The following IFNAR2 variants were observed in gnomAD, a reference collection of about 807,000 sequenced individuals.
IFNAR2 encodes the protein interferon alpha/beta receptor 2.
Under a neutral mutation model 49.4 loss-of-function variants are expected in IFNAR2, and 30 were observed. The ratio of observed to expected loss-of-function variants is 0.61; its 90% CI spans 0.45 to 0.82. IFNAR2 has a LOEUF of 0.82. IFNAR2 is among the 40% of genes least tolerant of loss of function. IFNAR2 has a pLI of 0.00. For synonymous variants in IFNAR2, 224 were observed against 234.5 expected, an observed-to-expected ratio of 0.96 and a Z score of 0.41; for missense variants, 600 against 622.7, an observed-to-expected ratio of 0.96 and a Z score of 0.39.
intron 1 of IFNAR2, among the ~76,000 whole-genome samples, chr21:33,233,876 G>A (rs1258547584): frequency 1.3e-5 from 2 of 151,372 alleles, no homozygotes; most frequent in South Asian, 2.1e-4. Context: ...GATAGAATGC[G>A]ATTGTTATTA....
At chr21:33,232,576 ATG>A (rs1225635391) in intron 1 of IFNAR2, among the ~76,000 whole-genome samples, 3 of 152,044 alleles carry the variant, frequency 2.0e-5, no homozygotes, top group Admixed American at 6.6e-5. Flanking sequence ...TAAAATTTAA[ATG>A]TGTCTCAACC....
In IFNAR2 at chr21:33,242,034, C is replaced by T; in HGVS notation, c.55+57C>T. The T allele has an allele frequency of 2.0e-6, 3 of 1,529,278 alleles. No individual in the cohort carries two copies. In the South Asian group the frequency reaches 3.5e-5, roughly 18 times the overall value. 94.7% of individuals were successfully genotyped at this position (1,529,278 alleles called of 1,614,324 possible). ...GAAGCAAGCTGTGATGCCATCCTCA[C>T]TGAGAGCACTGGCAGGAAGTCGCAA... On this transcript the variant is annotated intron_variant, in intron 2 of 8. Transcript: ENST00000342136.
chr21:33,232,535 T>C (rs576194238), intron 1 of IFNAR2, among the ~76,000 whole-genome samples: 1 of 152,290 alleles, frequency 6.6e-6, no homozygotes, highest in East Asian at 1.9e-4. Flanking sequence ...TTCATTTGTT[T>C]GTTTTTAATT....
rs1985915927 is a variant in IFNAR2, at chr21:33,230,059, C to T, written c.-241C>T. 1 of 986,754 alleles carries T rather than the reference C, an allele frequency of 1.0e-6. No individual in the cohort carries two copies. The highest frequency in any genetic ancestry group is 1.7e-5 in the African/African-American group (1 of 57,224). 61.1% of individuals were successfully genotyped at this position (986,754 alleles called of 1,614,324 possible). The stretch of plus-strand genomic sequence containing the variant: ...CCCGAGCGCAGCCCGCGGACCACCA[C>T]CCGGCCGCACGGGCCGCTTTTGTCC... On this transcript the variant is annotated 5_prime_UTR_variant, in exon 1 of 9. Transcript: ENST00000342136. This position sits in a 1 kb window ranked among gnomAD's most constrained non-coding sequence, Gnocchi z 5.5.
chr21:33,232,449 A>G lies in IFNAR2; in HGVS notation c.-84+2233A>G, dbSNP rs544643232. Among the ~76,000 whole-genome samples, 6 of 152,336 alleles carry G rather than the reference A, an allele frequency of 3.9e-5. No homozygotes were observed. In the East Asian group the frequency reaches 1.2e-3, roughly 29 times the overall value. ...ACTGAAAATTTTCTCTGGCCCTAACAGGAAAACGAGTTACCCCACAAGCCA... is the reference window on the plus strand; with the variant it reads ...ACTGAAAATTTTCTCTGGCCCTAACGGGAAAACGAGTTACCCCACAAGCCA... On this transcript the variant is annotated intron_variant, in intron 1 of 8. Transcript: ENST00000342136.
At chr21:33,240,802 C>A (rs1251857699) in intron 1 of IFNAR2, among the ~76,000 whole-genome samples, 1 of 690 alleles carries the variant, frequency 1.4e-3, no homozygotes, top group Non-Finnish European at 3.8e-3. Context: ...GGCAACACAG[C>A]AAGACCCGTC....
chr21:33,243,596 T>G, intron 2 of IFNAR2, 77 bp from the exon 3 acceptor site: 1 of 1,259,210 alleles, frequency 7.9e-7, no homozygotes, highest in Middle Eastern at 1.9e-4. Context: ...TGTTAAAGAA[T>G]GTCAGACTTA....
chr21:33,240,158 T>C (rs1986813913), intron 1 of IFNAR2, among the ~76,000 whole-genome samples: 1 of 152,236 alleles, frequency 6.6e-6, no homozygotes, highest in Non-Finnish European at 1.5e-5. Context: ...TTTGTAAATA[T>C]AGTCCTGCAA....
chr21:33,242,019 G>T, intron 2 of IFNAR2, 42 bp downstream of exon 2: 1 of 1,592,096 alleles, frequency 6.3e-7, no homozygotes. Flanking sequence ...GAAGCAAGCT[G>T]TGATGCCATC....
At chr21:33,262,154 C>T (rs1438907393) in intron 8 of IFNAR2, among the ~76,000 whole-genome samples, 1 of 152,034 alleles carries the variant, frequency 6.6e-6, no homozygotes, top group African/African-American at 2.4e-5. Context: ...ATCACGAGGT[C>T]GGGAGTTCAA....
At chr21:33,255,802 TG>T (rs143555256) in intron 7 of IFNAR2, among the ~76,000 whole-genome samples, 1 of 152,206 alleles carries the variant, frequency 6.6e-6, no homozygotes, top group African/African-American at 2.4e-5. Flanking sequence ...TCTGATCATG[TG>T]GTTAGTTTTT....
At chr21:33,239,356 T>G (rs1199046158) in intron 1 of IFNAR2, among the ~76,000 whole-genome samples, 3 of 152,208 alleles carry the variant, frequency 2.0e-5, no homozygotes, top group East Asian at 3.8e-4. Context: ...TGTCCAGTGG[T>G]CTCATGTCAT....
intron 7 of IFNAR2, among the ~76,000 whole-genome samples, chr21:33,256,756 G>A (rs911048739): frequency 6.6e-6 from 1 of 152,216 alleles, no homozygotes; most frequent in Non-Finnish European, 1.5e-5. Context: ...GGATTTAGCA[G>A]TGAACAAAAC....
intron 8 of IFNAR2, 172 bp from the exon 9 acceptor site, chr21:33,262,621 C>G (rs1238242074): frequency 1.2e-5 from 11 of 909,262 alleles, no homozygotes; most frequent in Non-Finnish European, 1.8e-5. Context: ...TCATAATGCA[C>G]TACAGTCTGA....
chr21:33,239,670 C>T (rs1320704039), intron 1 of IFNAR2, among the ~76,000 whole-genome samples: 1 of 144,172 alleles, frequency 6.9e-6, no homozygotes, highest in Non-Finnish European at 1.5e-5. Flanking sequence ...TTGTGAGCTA[C>T]AGGTTCTATA....
intron 7 of IFNAR2, among the ~76,000 whole-genome samples, chr21:33,256,262 G>A (rs901879364): frequency 1.1e-4 from 16 of 152,172 alleles, no homozygotes; most frequent in African/African-American, 3.6e-4. Flanking sequence ...TACTTGGCGT[G>A]AATGCGTCAT....
intron 7 of IFNAR2, among the ~76,000 whole-genome samples, chr21:33,256,646 C>G (rs912962304): frequency 6.6e-6 from 1 of 152,162 alleles, no homozygotes; most frequent in African/African-American, 2.4e-5. Flanking sequence ...TGGTTTGTCT[C>G]TTTTATTAAT....
rs7275213 is a variant in IFNAR2, at chr21:33,242,945, T to A, written c.56-728T>A. On this transcript the variant is annotated intron_variant, in intron 2 of 8. Coordinates refer to ENST00000342136, the MANE Select transcript of IFNAR2 (RefSeq NM_001289125.3). ...ACGGGATTACAGGCACCCGCCACCATGCCCGGCTAATTTTTGTATTTTTAG... is the reference window on the plus strand; with the variant it reads ...ACGGGATTACAGGCACCCGCCACCAAGCCCGGCTAATTTTTGTATTTTTAG... 7.6e-4 allele frequency among the ~76,000 whole-genome samples: 113 copies of A among 149,662 alleles called. 2 individuals carry two copies. The Middle Eastern group carries it at 0.014, about 18-fold the overall frequency.
intron 5 of IFNAR2, 43 bp from the exon 6 acceptor site, chr21:33,248,666 G>A: frequency 6.4e-7 from 1 of 1,550,728 alleles, no homozygotes; most frequent in Non-Finnish European, 8.7e-7. Flanking sequence ...GGCCACATAT[G>A]GTCTCTGTGA....
Sources: allele counts gnomAD v4.1 joint callset (sites outside exome capture counted in the v4.1 genomes callset), GRCh38; gene constraint gnomAD v4.1.1; non-coding constraint Gnocchi (gnomAD v3.1); transcripts MANE v1.5; gene names NCBI Gene and HGNC (gene_info 2026-07-23, HGNC 2026-07-21).